The following PTPRD variants were observed in gnomAD, a reference collection of about 807,000 sequenced individuals.
PTPRD encodes the protein receptor-type tyrosine-protein phosphatase delta.
PTPRD carries 34 observed loss-of-function variants against 214.5 expected under a neutral mutation model. The observed-to-expected ratio is 0.16, with a 90% CI of 0.12 to 0.21. The LOEUF is 0.21. Ranked by LOEUF, PTPRD falls within the 10% of genes least tolerant of loss-of-function variation. The pLI, the probability that PTPRD is intolerant of heterozygous loss-of-function variation, is 1.00. For synonymous variants in PTPRD, 1,128 were observed against 845.7 expected (o/e 1.33, Z -5.79); for missense variants, 2,545 against 2,398.7 (o/e 1.06, Z -1.27).
At chr9:9,402,512 G>A (rs1412864185) in intron 8 of PTPRD, among the ~76,000 whole-genome samples, 2 of 151,950 alleles carry the variant, frequency 1.3e-5, no homozygotes, top group Admixed American at 6.6e-5. Flanking sequence ...TCTCAACAGA[G>A]GACACTTAGG....
intron 14 of PTPRD, among the ~76,000 whole-genome samples, chr9:8,630,735 T>C (rs1379924788): frequency 6.6e-6 from 1 of 151,862 alleles, no homozygotes; most frequent in Non-Finnish European, 1.5e-5. Context: ...TTGTTTTATA[T>C]GGGGACTAGC....
chr9:9,428,591 A>C (rs1009100076), intron 8 of PTPRD, among the ~76,000 whole-genome samples: 1 of 152,212 alleles, frequency 6.6e-6, no homozygotes, highest in African/African-American at 2.4e-5. Flanking sequence ...CCAAATCAAC[A>C]GAATATACAT....
rs372623705 is a variant in PTPRD at position 8,944,053 on chromosome 9, G to GA, written c.-104+74643dup. Among the ~76,000 whole-genome samples the GA allele has an allele frequency of 1.4e-3, 206 of 150,664 alleles. 1 individual carries two copies. The highest frequency in any genetic ancestry group is 1.6e-3 in the African/African-American group (68 of 41,216). On this transcript the variant is annotated intron_variant, in intron 11 of 45. Coordinates refer to ENST00000381196, the MANE Select transcript of PTPRD (RefSeq NM_002839.4). The stretch of plus-strand genomic sequence containing the variant: ...GTAAGGAGCTCAAACAACTAAGTAG[G>GA]AAAAAAAAATCTAGTAATCTGATTC...
At chr9:8,786,033 TTGTGTGTGTGTGTG>T (rs34200290) in intron 11 of PTPRD, among the ~76,000 whole-genome samples, 1 of 143,224 alleles carries the variant, frequency 7.0e-6, no homozygotes, top group Non-Finnish European at 1.5e-5. Flanking sequence ...GCTTAATTTG[TTGTGTGTGTGTGTG>T]TGTGTGTGTG....
At chr9:9,198,602 G>A (rs1212424879) in intron 9 of PTPRD, among the ~76,000 whole-genome samples, 1 of 152,086 alleles carries the variant, frequency 6.6e-6, no homozygotes, top group Non-Finnish European at 1.5e-5. Flanking sequence ...GAATTCCTGA[G>A]ATTTGGCATT....
intron 9 of PTPRD, among the ~76,000 whole-genome samples, chr9:9,344,268 G>A (rs2047958226): frequency 6.6e-6 from 1 of 152,018 alleles, no homozygotes; most frequent in Non-Finnish European, 1.5e-5. Flanking sequence ...ATAAGTGGGA[G>A]TTGCACAGTG....
At chr9:8,659,498 C>T (rs916046414) in intron 12 of PTPRD, among the ~76,000 whole-genome samples, 1 of 152,222 alleles carries the variant, frequency 6.6e-6, no homozygotes, top group Non-Finnish European at 1.5e-5. Context: ...GGAAAGGTTT[C>T]TAACCCTCTC....
At chr9:9,729,521 C>A (rs1426448775) in intron 7 of PTPRD, among the ~76,000 whole-genome samples, 3 of 152,104 alleles carry the variant, frequency 2.0e-5, no homozygotes, top group African/African-American at 7.2e-5. Context: ...GATATTAATG[C>A]ACACCAATAG....
At chr9:9,399,536 G>A (rs1234872186) in intron 8 of PTPRD, among the ~76,000 whole-genome samples, 1 of 152,042 alleles carries the variant, frequency 6.6e-6, no homozygotes, top group Non-Finnish European at 1.5e-5. Context: ...TTTTCAAAGT[G>A]TTCTGATATG....
chr9:8,579,759 A>T (rs1049492441), intron 14 of PTPRD, among the ~76,000 whole-genome samples: 1 of 152,226 alleles, frequency 6.6e-6, no homozygotes, highest in African/African-American at 2.4e-5. Context: ...TTGTAAACAG[A>T]GACCAGGAAA....
intron 9 of PTPRD, among the ~76,000 whole-genome samples, chr9:9,203,248 AAC>A (rs151327041): frequency 3.8e-4 from 58 of 150,694 alleles, no homozygotes; most frequent in East Asian, 3.3e-3. Flanking sequence ...CACACACACA[AAC>A]ACACACACAC....
rs746071907 is a variant in PTPRD, at chr9:9,780,868, A to G, written c.-367-14017T>C. On this transcript the variant is annotated intron_variant, in intron 5 of 45. Transcript: ENST00000381196. ...ATTCATTGATAAAATGATATCAACT[A>G]TCAAGCCAAGACAAAGCATGGAGGA... Among the ~76,000 whole-genome samples the G allele has an allele frequency of 3.9e-5, 6 of 152,358 alleles. No homozygotes were observed. In the East Asian group the frequency reaches 5.8e-4, roughly 15 times the overall value.
At chr9:10,359,389 T>C (rs2097335617) in intron 2 of PTPRD, among the ~76,000 whole-genome samples, 1 of 152,044 alleles carries the variant, frequency 6.6e-6, no homozygotes, top group Non-Finnish European at 1.5e-5. Context: ...GTTGTAAATA[T>C]TATTACATCT....
chr9:9,383,339 G>C (rs1596799758), intron 9 of PTPRD, among the ~76,000 whole-genome samples: 1 of 152,046 alleles, frequency 6.6e-6, no homozygotes, highest in East Asian at 1.9e-4. Flanking sequence ...TTATTTCTGA[G>C]TACAAAATAA....
intron 7 of PTPRD, among the ~76,000 whole-genome samples, chr9:9,713,750 A>G (rs1185246908): frequency 1.3e-5 from 2 of 152,150 alleles, no homozygotes; most frequent in Non-Finnish European, 2.9e-5. Flanking sequence ...AGAGAACAGA[A>G]TATTGGTAGA....
chr9:10,040,784 A>T (rs2097283460), intron 3 of PTPRD, among the ~76,000 whole-genome samples: 1 of 152,104 alleles, frequency 6.6e-6, no homozygotes, highest in South Asian at 2.1e-4. Context: ...GAGCACTGAT[A>T]AACCTCACTT....
chr9:9,532,313 A>G (rs1279259480), intron 8 of PTPRD, among the ~76,000 whole-genome samples: 1 of 152,146 alleles, frequency 6.6e-6, no homozygotes, highest in Non-Finnish European at 1.5e-5. Context: ...CAAATTAACA[A>G]AAACATAAAG....
intron 12 of PTPRD, among the ~76,000 whole-genome samples, chr9:8,690,830 A>G (rs937301485): frequency 6.6e-6 from 1 of 152,204 alleles, no homozygotes; most frequent in Non-Finnish European, 1.5e-5. Flanking sequence ...TCAATTTTCA[A>G]AATATGCCAA....
At chr9:8,375,895 GCTTT>G (rs770778389) in intron 39 of PTPRD, 37 bp downstream of exon 39, 1 of 1,587,208 alleles carries the variant, frequency 6.3e-7, no homozygotes, top group East Asian at 2.3e-5. Flanking sequence ...AGTCAATTTA[GCTTT>G]CTGTTTCCTG....
Sources: gnomAD v4.1 joint callset for allele counts (sites outside exome capture counted in the v4.1 genomes callset) on GRCh38, gnomAD v4.1.1 for gene constraint, MANE v1.5 for transcripts, NCBI Gene and HGNC (gene_info 2026-07-23, HGNC 2026-07-21) for gene names.